FBXO34: variants seen among roughly 807,000 people sequenced by gnomAD.
FBXO34 encodes F-box protein 34.
A neutral mutation model predicts 24.5 loss-of-function variants in FBXO34; 12 were observed. That is an observed-to-expected ratio of 0.49 (90% CI 0.31 to 0.79). FBXO34 has a LOEUF of 0.79. Ranked by LOEUF, FBXO34 falls within the 30% of genes least tolerant of loss-of-function variation. The pLI is 0.04. For missense variants in FBXO34, 823 were observed against 857.7 expected (o/e 0.96, Z 0.51); for synonymous variants, 320 against 311.9 (o/e 1.03, Z -0.27).
At chr14:55,364,783 G>GTA (rs1884644462), downstream of FBXO34, among the ~76,000 whole-genome samples, 1 of 146,714 alleles carries the variant, frequency 6.8e-6, no homozygotes, top group Non-Finnish European at 1.5e-5. Flanking sequence ...CCAGGCTAGA[G>GTA]TAGAGTACAG....
the FBXO34 span, chr14:55,397,462 T>C: frequency 2.6e-5 from 41 of 1,567,926 alleles, no homozygotes; most frequent in Non-Finnish European, 3.6e-5. Context: ...AATGTCTTAT[T>C]TAAATGGTCA....
chr14:55,414,012 A>G, the FBXO34 span: 147,371 of 529,888 alleles, frequency 0.28, 21,310 homozygotes, highest in East Asian at 0.43. Flanking sequence ...TAAAAGGCCT[A>G]GAGAACATGT....
intron 1 of FBXO34, among the ~76,000 whole-genome samples, chr14:55,296,697 C>T (rs1212219063): frequency 1.3e-5 from 2 of 151,956 alleles, no homozygotes; most frequent in Non-Finnish European, 2.9e-5. Context: ...CGCCTGGCCG[C>T]TGTTCTTGAT....
At chr14:55,332,683 T>C (rs1380158834) in intron 1 of FBXO34, among the ~76,000 whole-genome samples, 1 of 152,244 alleles carries the variant, frequency 6.6e-6, no homozygotes, top group Non-Finnish European at 1.5e-5. Context: ...TAGATTTTTT[T>C]ATAACTTAAA....
chr14:55,365,189 C>A (rs1594772555), downstream of FBXO34, among the ~76,000 whole-genome samples: 2 of 128,934 alleles, frequency 1.6e-5, no homozygotes, highest in East Asian at 2.5e-4. Context: ...GCAGCCTGGG[C>A]AACAAAGTGA....
At chr14:55,397,350 A>C in the FBXO34 span, 2 of 1,606,270 alleles carry the variant, frequency 1.2e-6, no homozygotes, top group South Asian at 1.1e-5. Context: ...CCACAAATTA[A>C]AAGACAAAAC....
the FBXO34 span, among the ~76,000 whole-genome samples, chr14:55,403,465 A>G: frequency 1.4e-4 from 22 of 152,236 alleles, no homozygotes; most frequent in Non-Finnish European, 3.1e-4. Context: ...CAGCCTTTAG[A>G]AACAAAAATA....
the FBXO34 span, chr14:55,385,893 T>C: frequency 1.9e-6 from 3 of 1,612,924 alleles, no homozygotes; most frequent in Non-Finnish European, 1.7e-6. Flanking sequence ...ATTGGAAAAA[T>C]GACAGAGGTG....
At chr14:55,276,645 G>A (rs1053842647) in intron 1 of FBXO34, among the ~76,000 whole-genome samples, 4 of 152,218 alleles carry the variant, frequency 2.6e-5, no homozygotes, top group African/African-American at 9.6e-5. Flanking sequence ...AAGCGGGGGG[G>A]TCTAGTTAAA....
chr14:55,357,350 C>T (rs1222805653), downstream of FBXO34, among the ~76,000 whole-genome samples: 2 of 152,204 alleles, frequency 1.3e-5, no homozygotes, highest in Non-Finnish European at 2.9e-5. Context: ...TGATGTTCCT[C>T]TATCTGCAAA....
At chr14:55,391,044 A>T in the FBXO34 span, 94 of 1,221,360 alleles carry the variant, frequency 7.7e-5, no homozygotes, top group South Asian at 3.1e-4. Context: ...TATGGTTAAT[A>T]TGATTATCTA....
rs12895926 is a variant in FBXO34, at chr14:55,296,392, T to G, written c.-11+24855T>G. ...TTTTGCTGTTCTTGTGTTTTTTTTG[T>G]TTTTTTTTTTTTTTTTTTTTTTTGA... On this transcript the variant is annotated intron_variant, in intron 1 of 1. Coordinates refer to ENST00000313833, the MANE Select transcript of FBXO34 (RefSeq NM_017943.4). 4.5e-5 allele frequency among the ~76,000 whole-genome samples: 4 copies of G among 88,754 alleles called. No individual in the cohort carries two copies. In the South Asian group the frequency reaches 1.6e-3, roughly 36 times the overall value. The allele number at this position is 88,754 out of a possible 152,430, so 58.2% of individuals were successfully genotyped here.
At chr14:55,387,998 G>A in the FBXO34 span, among the ~76,000 whole-genome samples, 1 of 152,088 alleles carries the variant, frequency 6.6e-6, no homozygotes, top group Non-Finnish European at 1.5e-5. Context: ...TCAGCCAGGT[G>A]TGGTGATGGG....
the FBXO34 span, chr14:55,395,990 GA>G: frequency 1.9e-6 from 3 of 1,576,648 alleles, no homozygotes; most frequent in African/African-American, 1.4e-5. Flanking sequence ...ACTCTGTGAG[GA>G]AAAGAGACAG....
At chr14:55,274,152 G>T (rs1217599650) in intron 1 of FBXO34, among the ~76,000 whole-genome samples, 1 of 152,164 alleles carries the variant, frequency 6.6e-6, no homozygotes, top group Non-Finnish European at 1.5e-5. Context: ...CTAAATAAGA[G>T]TTGAAAGACC....
At chr14:55,401,551 T>A in the FBXO34 span, among the ~76,000 whole-genome samples, 5 of 152,360 alleles carry the variant, frequency 3.3e-5, no homozygotes, top group Admixed American at 2.6e-4. Context: ...ACTAAATTAT[T>A]CCATACTTAT....
Position 55,353,571 on chromosome 14 carries a change from A to AT in FBXO34, c.*1051dup, listed in dbSNP as rs1884465593. The stretch of plus-strand genomic sequence containing the variant: ...CTACTTTATCCTGTCTGGTTACAAA[A>AT]TTTTTTAAAACTTAAATAAAAACAT... On this transcript the variant is annotated 3_prime_UTR_variant, in exon 2 of 2. Coordinates refer to ENST00000313833, the MANE Select transcript of FBXO34 (RefSeq NM_017943.4). The AT allele has an allele frequency of 6.0e-6, 1 of 167,112 alleles. No homozygotes were observed. The highest frequency in any genetic ancestry group is 1.5e-5 in the Non-Finnish European group (1 of 68,122). The allele number at this position is 167,112 out of a possible 1,614,324, so 10.4% of individuals were successfully genotyped here. A position where few individuals can be genotyped will look rare whatever the true frequency, so the allele number is the denominator to read the frequency against.
intron 1 of FBXO34, chr14:55,318,104 A>C (rs929253479): frequency 1.3e-5 from 2 of 151,084 alleles, no homozygotes; most frequent in Non-Finnish European, 2.9e-5. Flanking sequence ...TTACTCATTT[A>C]TTTTTCAGCT....
In FBXO34 at chr14:55,272,431, A is replaced by ATT. The variant is rs1299507979; in HGVS notation, c.-11+894_-11+895insTT. ...GTTTTTTGGAGGGTGTAATGTAAAA[A>ATT]GCCTTTTAGGAAGCTAAATTCGTAG... On this transcript the variant is annotated intron_variant, in intron 1 of 1. Coordinates refer to ENST00000313833, the MANE Select transcript of FBXO34 (RefSeq NM_017943.4). 7 of 152,228 alleles carry ATT rather than the reference A, an allele frequency of 4.6e-5. No individual in the cohort carries two copies. The East Asian group carries it at 1.3e-3, about 29-fold the overall frequency. 9.4% of individuals were successfully genotyped at this position (152,228 alleles called of 1,614,324 possible).
Sources: gnomAD v4.1 joint callset for allele counts (sites outside exome capture counted in the v4.1 genomes callset) on GRCh38, gnomAD v4.1.1 for gene constraint, MANE v1.5 for transcripts, NCBI Gene and HGNC (gene_info 2026-07-23, HGNC 2026-07-21) for gene names.